The following PHLDB2 variants were observed in gnomAD, a reference collection of about 807,000 sequenced individuals.
PHLDB2 encodes the protein pleckstrin homology-like domain family B member 2.
In PHLDB2, 71 loss-of-function variants were observed where a neutral mutation model predicts 123.6. The observed-to-expected ratio is 0.57, with a 90% CI of 0.47 to 0.70. The LOEUF (loss-of-function observed/expected upper bound fraction) is 0.70. Ranked by LOEUF, PHLDB2 falls within the 30% of genes least tolerant of loss-of-function variation. The probability of loss-of-function intolerance (pLI) is 0.00; values close to 1 mark genes in which losing one functional copy is unlikely to be tolerated. For missense variants in PHLDB2, 1,446 were observed against 1,519.5 expected, an observed-to-expected ratio of 0.95 and a Z score of 0.80; for synonymous variants, 547 against 541.6, an observed-to-expected ratio of 1.01 and a Z score of -0.14.
At chr3:111,935,273 A>G (rs537475801) in intron 6 of PHLDB2, among the ~76,000 whole-genome samples, 50 of 151,476 alleles carry the variant, frequency 3.3e-4, no homozygotes, top group African/African-American at 1.1e-3. Flanking sequence ...CTCATTTTTC[A>G]TATTTTTAGT....
chr3:111,793,078 A>T (rs941940485), intron 1 of PHLDB2, among the ~76,000 whole-genome samples: 1 of 152,158 alleles, frequency 6.6e-6, no homozygotes, highest in Non-Finnish European at 1.5e-5. Flanking sequence ...TACAGTCAGC[A>T]GGTGCCAAAT....
At chr3:111,784,352 G>T (rs1348173840) in intron 1 of PHLDB2, among the ~76,000 whole-genome samples, 5 of 152,162 alleles carry the variant, frequency 3.3e-5, no homozygotes, top group African/African-American at 1.2e-4. Context: ...TTGGAAGCTT[G>T]CATTTCTTTG....
chr3:111,845,109 C>T (rs1047458762), intron 1 of PHLDB2, among the ~76,000 whole-genome samples: 3 of 151,976 alleles, frequency 2.0e-5, no homozygotes, highest in African/African-American at 7.3e-5. Flanking sequence ...AATCCCAGCA[C>T]TTTGGAAGGT....
At chr3:111,819,850 T>C (rs1054860389) in intron 1 of PHLDB2, among the ~76,000 whole-genome samples, 3 of 152,220 alleles carry the variant, frequency 2.0e-5, no homozygotes, top group African/African-American at 7.2e-5. Context: ...AGTTTAATTG[T>C]CAAGATGCAT....
Position 111,969,909 on chromosome 3 carries a change from G to A in PHLDB2, c.3535G>A (p.Asp1179Asn), listed in dbSNP as rs776646388. 3 of 1,613,504 alleles carry A rather than the reference G, an allele frequency of 1.9e-6. No individual in the cohort carries two copies. Among genetic ancestry groups the A allele is most frequent in the South Asian group, 1.1e-5 (1 of 91,070 alleles). ...CAAGCGAACATTCTCTTATTATGCA[G>A]GTGGGTGATAAAAACAATTTAAGCC... ...RNKRTFSYYA[D>N]KHETKLKGVI... Residue 1179 changes from aspartate to asparagine, a missense_variant and splice_region_variant, in exon 16 of 18, where the codon GAC (aspartate) becomes AAC (asparagine). By Grantham distance (23) the Asp-to-Asn change is conservative. Around this residue, in one of 3 missense-constraint regions of PHLDB2, gnomAD observed 594 missense variants for 646.0 expected, o/e 0.92. Coordinates refer to ENST00000431670, the MANE Select transcript of PHLDB2 (RefSeq NM_001134438.2).
chr3:111,863,092 G>A (rs1236099349), intron 1 of PHLDB2, among the ~76,000 whole-genome samples: 1 of 152,210 alleles, frequency 6.6e-6, no homozygotes, highest in South Asian at 2.1e-4. Flanking sequence ...TTCGATGGGG[G>A]AGGGGTGGCA....
chr3:111,870,332 TGAG>T (rs2065278402), intron 1 of PHLDB2, among the ~76,000 whole-genome samples: 1 of 151,958 alleles, frequency 6.6e-6, no homozygotes, highest in East Asian at 1.9e-4. Flanking sequence ...TAGAGGAGGT[TGAG>T]GAGGATATAA....
chr3:111,884,548 G>T lies in PHLDB2; in HGVS notation c.471G>T (p.Ser157=), dbSNP rs766896787. 6 of 1,614,080 alleles carry T rather than the reference G, an allele frequency of 3.7e-6. No homozygotes were observed. The highest frequency in any genetic ancestry group is 3.3e-5 in the South Asian group (3 of 91,082). Residue 157 remains serine, a synonymous_variant, in exon 2 of 18, where the codon TCG becomes TCT. Coordinates refer to ENST00000431670, the MANE Select transcript of PHLDB2 (RefSeq NM_001134438.2). Reference sequence around the variant, plus strand: ...CCAAATATAGCTCAAGGCATAAATCGCATGACAATGTCTACTCTCTTGGAG... The same window carrying T: ...CCAAATATAGCTCAAGGCATAAATCTCATGACAATGTCTACTCTCTTGGAG... ...PYSKYSSRHK[S]HDNVYSLGGL... is the part of the protein sequence containing the mutation.
chr3:111,779,431 A>G (rs553918789), intron 1 of PHLDB2, among the ~76,000 whole-genome samples: 31 of 151,856 alleles, frequency 2.0e-4, no homozygotes, highest in African/African-American at 6.5e-4. Flanking sequence ...CCCAGTATCT[A>G]TTGCTCCCAT....
intron 1 of PHLDB2, among the ~76,000 whole-genome samples, chr3:111,878,821 T>C (rs529674277): frequency 1.3e-5 from 2 of 152,236 alleles, no homozygotes; most frequent in African/African-American, 4.8e-5. Context: ...ATGTGGTTTT[T>C]ATTATTGGTT....
intron 1 of PHLDB2, among the ~76,000 whole-genome samples, chr3:111,811,746 G>A (rs1178323396): frequency 2.0e-5 from 3 of 152,032 alleles, no homozygotes; most frequent in Non-Finnish European, 2.9e-5. Flanking sequence ...TATAAGCAAA[G>A]CAGGATATTA....
chr3:111,944,564 A>G (rs1372209583), intron 8 of PHLDB2, among the ~76,000 whole-genome samples: 4 of 152,194 alleles, frequency 2.6e-5, no homozygotes, highest in East Asian at 1.9e-4. Flanking sequence ...ATATTACATC[A>G]TCAGATATTA....
chr3:111,809,066 G>A (rs898470503), intron 1 of PHLDB2, among the ~76,000 whole-genome samples: 7 of 152,142 alleles, frequency 4.6e-5, no homozygotes, highest in African/African-American at 1.2e-4. Flanking sequence ...TGCTGTCATC[G>A]AGGAGGAATA....
intron 1 of PHLDB2, among the ~76,000 whole-genome samples, chr3:111,756,058 A>G (rs2059882329): frequency 6.6e-6 from 1 of 151,818 alleles, no homozygotes; most frequent in Non-Finnish European, 1.5e-5. Context: ...TGCTGAGGAG[A>G]GCTTTTTACT....
chr3:111,962,929 C>CAAAAAAAAAAAA (rs57625439), intron 13 of PHLDB2, among the ~76,000 whole-genome samples: 1 of 93,830 alleles, frequency 1.1e-5, no homozygotes, highest in Non-Finnish European at 2.2e-5. Context: ...AACTCCATCT[C>CAAAAAAAAAAAA]AAAAAAAAAA....
In PHLDB2 at chr3:111,913,450, T is replaced by G. The variant is rs1232865392; in HGVS notation, c.1467T>G (p.Ser489=). The G allele has an allele frequency of 6.2e-7, 1 of 1,614,134 alleles. No individual in the cohort carries two copies. Among genetic ancestry groups the G allele is most frequent in the Non-Finnish European group, 8.5e-7 (1 of 1,180,004 alleles). The part of the protein sequence containing the change: ...INKELEKLQL[S]DEESVFEEAL... ...AGGAGCTTGAGAAGCTGCAGCTCTC[T>G]GATGAGGAGTCTGTGTTTGAGGAAG... The change falls in exon 3 of 18, where the codon TCT becomes TCG. Residue 489 remains serine, a synonymous_variant. Coordinates refer to ENST00000431670, the MANE Select transcript of PHLDB2 (RefSeq NM_001134438.2).
rs1343152261 is a variant in PHLDB2 at position 111,782,744 on chromosome 3, C to A, written c.-49+50041C>A. ...CTGTCTTTCTTCTTAACAATAAATT[C>A]CATGAAGGCAACAACCCTCTCTACT... On this transcript the variant is annotated intron_variant, in intron 1 of 17. Transcript: ENST00000393923. Among the ~76,000 whole-genome samples the A allele has an allele frequency of 2.0e-5, 3 of 152,098 alleles. No individual in the cohort carries two copies. In the East Asian group the frequency reaches 5.8e-4, roughly 29 times the overall value.
intron 2 of PHLDB2, among the ~76,000 whole-genome samples, chr3:111,854,249 C>G (rs767575300): frequency 2.0e-5 from 3 of 152,206 alleles, no homozygotes; most frequent in Non-Finnish European, 4.4e-5. Flanking sequence ...TTACCTCCAC[C>G]TGGTCCCACC....
chr3:111,905,048 G>A (rs956491195), intron 2 of PHLDB2, among the ~76,000 whole-genome samples: 8 of 152,098 alleles, frequency 5.3e-5, no homozygotes, highest in Admixed American at 1.3e-4. Context: ...GCATGAGAGC[G>A]GGCCCTCTAA....
Sources: allele counts gnomAD v4.1 joint callset (sites outside exome capture counted in the v4.1 genomes callset), GRCh38; gene constraint gnomAD v4.1.1; regional missense constraint gnomAD v4.1.1; transcripts MANE v1.5; gene names NCBI Gene and HGNC (gene_info 2026-07-23, HGNC 2026-07-21).